The following PARP8 variants were observed in gnomAD, a reference collection of about 807,000 sequenced individuals.
PARP8 encodes the protein protein mono-ADP-ribosyltransferase PARP8.
In PARP8, 51 loss-of-function variants were observed where a neutral mutation model predicts 124.1. That is an observed-to-expected ratio of 0.41 (90% CI 0.33 to 0.52). The LOEUF (loss-of-function observed/expected upper bound fraction) is 0.52. Among genes scored for constraint, PARP8 ranks in the 20% least tolerant of loss-of-function variants. The pLI, the probability that PARP8 is intolerant of heterozygous loss-of-function variation, is 0.21. For missense variants in PARP8, 860 were observed against 1,018.9 expected, an observed-to-expected ratio of 0.84 and a Z score of 2.12; for synonymous variants, 391 against 361.5, an observed-to-expected ratio of 1.08 and a Z score of -0.93.
At chr5:50,797,771 G>C (rs1371671643) in intron 14 of PARP8, among the ~76,000 whole-genome samples, 1 of 152,158 alleles carries the variant, frequency 6.6e-6, no homozygotes, top group East Asian at 1.9e-4. Flanking sequence ...ATTTTGGAGA[G>C]AACGATTCAA....
chr5:50,817,406 C>T (rs888153953), intron 15 of PARP8, among the ~76,000 whole-genome samples: 4 of 152,140 alleles, frequency 2.6e-5, no homozygotes, highest in Non-Finnish European at 5.9e-5. Flanking sequence ...CTGTCATAAT[C>T]CTAACGATTA....
chr5:50,791,118 G>A (rs535866859), intron 10 of PARP8, among the ~76,000 whole-genome samples: 1 of 152,254 alleles, frequency 6.6e-6, no homozygotes, highest in Admixed American at 6.5e-5. Context: ...TTGGTTTTCA[G>A]TAAATAGAAG....
intron 7 of PARP8, among the ~76,000 whole-genome samples, chr5:50,763,864 C>G (rs766476486): frequency 2.6e-5 from 4 of 152,168 alleles, no homozygotes; most frequent in Non-Finnish European, 5.9e-5. Context: ...TTTCAGATTT[C>G]CATTCTTTGC....
chr5:50,833,529 CAG>C, intron 23 of PARP8: 1 of 330,234 alleles, frequency 3.0e-6, no homozygotes, highest in South Asian at 2.5e-5. Context: ...AAAAAAATCC[CAG>C]ATTTTCTACA....
chr5:50,749,965 A>G (rs765385824), intron 2 of PARP8, among the ~76,000 whole-genome samples, 186 bp from the exon 3 acceptor site: 1 of 152,142 alleles, frequency 6.6e-6, no homozygotes, highest in Admixed American at 6.5e-5. Context: ...TGGAAAGTAT[A>G]TTTTAAAAAC....
At chr5:50,840,002 A>G (rs1211472755) in intron 25 of PARP8, among the ~76,000 whole-genome samples, 2 of 151,854 alleles carry the variant, frequency 1.3e-5, no homozygotes, top group Non-Finnish European at 2.9e-5. Context: ...CCATTTTTCT[A>G]TCGCTTTTGC....
chr5:50,788,188 T>TATACATATTATTATAC (rs1007306672), intron 9 of PARP8, among the ~76,000 whole-genome samples: 2 of 144,200 alleles, frequency 1.4e-5, no homozygotes, highest in African/African-American at 5.0e-5. Flanking sequence ...TAATATATAA[T>TATACATATTATTATAC]ATATTAATGT....
At chr5:50,667,870 G>T in intron 1 of PARP8, 8 of 1,462,776 alleles carry the variant, frequency 5.5e-6, no homozygotes, top group Non-Finnish European at 6.4e-6. Flanking sequence ...ACTTGTTGCG[G>T]GGGGCGGCCT....
chr5:50,751,978 A>G (rs1346019753), intron 3 of PARP8, among the ~76,000 whole-genome samples: 1 of 152,070 alleles, frequency 6.6e-6, no homozygotes, highest in Non-Finnish European at 1.5e-5. Context: ...TCCAACATTT[A>G]TACCTGTTCT....
At chr5:50,712,910 A>G (rs1256808338) in intron 2 of PARP8, among the ~76,000 whole-genome samples, 1 of 142,522 alleles carries the variant, frequency 7.0e-6, no homozygotes, top group Non-Finnish European at 1.5e-5. Flanking sequence ...TTTTTTTTTT[A>G]TTTATGTTAG....
At position 50,667,143 on chromosome 5, in the gene PARP8, C is replaced by A. The variant is rs1423169655; in HGVS notation, c.48C>A (p.Val16=). Residue 16 remains valine, a synonymous_variant, in exon 1 of 26, where the codon GTC becomes GTA. Transcript: ENST00000281631. ...RQERIQKDID[V]VIQKSRAEKD... ...AGCGAATTCAGAAGGATATCGACGTCGTGATCCAGAAGTCCAGAGCTGAGA... is the reference window on the plus strand; with the variant it reads ...AGCGAATTCAGAAGGATATCGACGTAGTGATCCAGAAGTCCAGAGCTGAGA... 6.3e-6 allele frequency: 10 copies of A among 1,596,362 alleles called. No individual in the cohort carries two copies. In the East Asian group the frequency reaches 2.0e-4, roughly 32 times the overall value.
At chr5:50,830,018 G>T in intron 22 of PARP8, 57 bp downstream of exon 22, 3 of 1,563,678 alleles carry the variant, frequency 1.9e-6, no homozygotes, top group Non-Finnish European at 8.7e-7. Flanking sequence ...TTTTCTTATT[G>T]TTTATACTCT....
rs140896406 is a variant in PARP8 at position 50,694,812 on chromosome 5, G to A, written c.146+26687G>A. 5.9e-5 allele frequency among the ~76,000 whole-genome samples: 9 copies of A among 152,274 alleles called. No individual in the cohort carries two copies. In the East Asian group the frequency reaches 1.7e-3, roughly 29 times the overall value. On this transcript the variant is annotated intron_variant, in intron 2 of 25. Transcript: ENST00000281631. ...TGAGTCTCAAAACCTCAGAAGTAAGGAAGCCAACAGTGCAGCCTTCAGTCT... is the reference window on the plus strand; with the variant it reads ...TGAGTCTCAAAACCTCAGAAGTAAGAAAGCCAACAGTGCAGCCTTCAGTCT...
intron 2 of PARP8, among the ~76,000 whole-genome samples, chr5:50,691,592 C>T (rs1752504902): frequency 6.6e-6 from 1 of 152,232 alleles, no homozygotes; most frequent in South Asian, 2.1e-4. Flanking sequence ...CGGAAATCTC[C>T]ATCAACCTTG....
At chr5:50,699,744 A>T (rs1753389755) in intron 2 of PARP8, among the ~76,000 whole-genome samples, 1 of 152,278 alleles carries the variant, frequency 6.6e-6, no homozygotes, top group East Asian at 1.9e-4. Flanking sequence ...AAGATCTGAG[A>T]TGGGCCAAGA....
chr5:50,830,022 A>T (rs1039150920), intron 22 of PARP8, 61 bp downstream of exon 22: 13 of 1,562,604 alleles, frequency 8.3e-6, no homozygotes, highest in Non-Finnish European at 1.0e-5. Flanking sequence ...CTTATTGTTT[A>T]TACTCTATTC....
chr5:50,785,300 G>A (rs1309997575), intron 9 of PARP8, among the ~76,000 whole-genome samples: 2 of 151,980 alleles, frequency 1.3e-5, no homozygotes, highest in Non-Finnish European at 2.9e-5. Context: ...TTAATTTATA[G>A]GAATAATTTC....
intron 25 of PARP8, among the ~76,000 whole-genome samples, chr5:50,841,650 A>G (rs922572289): frequency 6.6e-5 from 10 of 151,734 alleles, no homozygotes; most frequent in African/African-American, 2.4e-4. Flanking sequence ...ATTTTTTTAT[A>G]GTAGACTTCG....
chr5:50,668,020 T>A (rs1340257380), intron 1 of PARP8, 51 bp from the exon 2 acceptor site: 1 of 1,610,748 alleles, frequency 6.2e-7, no homozygotes, highest in Non-Finnish European at 8.5e-7. Context: ...CTGATCGGGG[T>A]TAAAACAAAT....
Sources: gnomAD v4.1 joint callset for allele counts (sites outside exome capture counted in the v4.1 genomes callset) on GRCh38, gnomAD v4.1.1 for gene constraint, MANE v1.5 for transcripts, NCBI Gene and HGNC (gene_info 2026-07-23, HGNC 2026-07-21) for gene names.